CPEB1: variants seen among roughly 807,000 people sequenced by gnomAD.
The protein encoded by CPEB1 is cytoplasmic polyadenylation element-binding protein 1.
Under a neutral mutation model 65.8 loss-of-function variants are expected in CPEB1, and 7 were observed. That is an observed-to-expected ratio of 0.11 (90% CI 0.06 to 0.20). The LOEUF is 0.20. Ranked by LOEUF, CPEB1 falls within the 10% of genes least tolerant of loss-of-function variation. CPEB1 has a pLI of 1.00. For missense variants in CPEB1, 551 were observed against 712.2 expected, an observed-to-expected ratio of 0.77 and a Z score of 2.58; for synonymous variants, 262 against 260.0, an observed-to-expected ratio of 1.01 and a Z score of -0.08.
At chr15:82,611,675 A>G (rs1410378409) in intron 3 of CPEB1, among the ~76,000 whole-genome samples, 1 of 151,976 alleles carries the variant, frequency 6.6e-6, no homozygotes, top group East Asian at 1.9e-4. Flanking sequence ...TGAGGCAGGA[A>G]GATCACTTGA....
chr15:82,546,075 C>T (rs1187490548), intron 12 of CPEB1, among the ~76,000 whole-genome samples: 2 of 152,190 alleles, frequency 1.3e-5, no homozygotes, highest in Non-Finnish European at 2.9e-5. Context: ...CCACAGGGTA[C>T]CTCAGAACTC....
chr15:82,578,561 C>T (rs1342909786), intron 3 of CPEB1, among the ~76,000 whole-genome samples: 4 of 151,960 alleles, frequency 2.6e-5, no homozygotes, highest in East Asian at 3.9e-4. Flanking sequence ...TTCAGGAGCT[C>T]GAGACCAGAC....
intron 1 of CPEB1, chr15:82,638,053 T>A: frequency 2.3e-6 from 1 of 441,084 alleles, no homozygotes. Flanking sequence ...TTTTCTGGTC[T>A]GTTTCTGTAT....
intron 1 of CPEB1, among the ~76,000 whole-genome samples, chr15:82,630,688 T>C (rs1006558879): frequency 6.6e-5 from 10 of 152,098 alleles, no homozygotes; most frequent in Non-Finnish European, 1.0e-4. Flanking sequence ...TAAATGTACA[T>C]TGTCCTCCAA....
At chr15:82,579,650 C>T (rs552058169) in intron 3 of CPEB1, among the ~76,000 whole-genome samples, 65 of 151,770 alleles carry the variant, frequency 4.3e-4, no homozygotes, top group African/African-American at 1.4e-3. Context: ...CGGTGGCTCA[C>T]GCCTGTAATC....
chr15:82,599,778 A>G (rs2042950152), intron 3 of CPEB1, among the ~76,000 whole-genome samples: 1 of 152,136 alleles, frequency 6.6e-6, no homozygotes, highest in Non-Finnish European at 1.5e-5. Context: ...GAATAAAACC[A>G]GGGCCCAAAA....
At chr15:82,602,184 A>C (rs1051216171) in intron 3 of CPEB1, among the ~76,000 whole-genome samples, 1 of 152,240 alleles carries the variant, frequency 6.6e-6, no homozygotes, top group African/African-American at 2.4e-5. Flanking sequence ...TGGAATTAAG[A>C]TAAAAATTCA....
intron 1 of CPEB1, chr15:82,630,132 C>G (rs1322753582): frequency 1.0e-6 from 1 of 984,970 alleles, no homozygotes; most frequent in African/African-American, 1.7e-5. Context: ...GAGGAGGTCT[C>G]GCTGTGTTGC....
chr15:82,602,494 A>G (rs2043197707), intron 3 of CPEB1, among the ~76,000 whole-genome samples: 1 of 152,222 alleles, frequency 6.6e-6, no homozygotes, highest in African/African-American at 2.4e-5. Flanking sequence ...GGTTACAGTA[A>G]GGTATGATTG....
intron 1 of CPEB1, chr15:82,640,904 GA>G (rs79528521): frequency 2.0e-3 from 264 of 131,326 alleles, no homozygotes; most frequent in East Asian, 0.013. Context: ...ATCAGATAAG[GA>G]AAAAAAAAAA....
At chr15:82,614,331 A>G (rs75854332) in intron 3 of CPEB1, among the ~76,000 whole-genome samples, 2,687 of 152,316 alleles carry the variant, frequency 0.018, 30 homozygotes, top group Non-Finnish European at 0.025. Flanking sequence ...TGACCTGGGT[A>G]GTGGTTATGT....
chr15:82,617,785 G>A (rs1345902430), intron 3 of CPEB1, among the ~76,000 whole-genome samples: 1 of 128,100 alleles, frequency 7.8e-6, no homozygotes, highest in African/African-American at 3.0e-5. Flanking sequence ...CCAGGCTGGA[G>A]TGCAGTGGCG....
intron 1 of CPEB1, among the ~76,000 whole-genome samples, chr15:82,643,453 A>C (rs1200182081): frequency 2.0e-5 from 3 of 152,096 alleles, no homozygotes; most frequent in Non-Finnish European, 4.4e-5. Context: ...AATATGGTGA[A>C]ACCCCATCTT....
At chr15:82,578,877 G>A (rs1424998497) in intron 3 of CPEB1, among the ~76,000 whole-genome samples, 2 of 152,156 alleles carry the variant, frequency 1.3e-5, no homozygotes, top group African/African-American at 4.8e-5. Flanking sequence ...CGTCCTGACT[G>A]CAATGGCAAA....
intron 3 of CPEB1, among the ~76,000 whole-genome samples, chr15:82,577,725 G>A (rs1048735666): frequency 3.3e-5 from 5 of 152,046 alleles, no homozygotes; most frequent in Non-Finnish European, 7.4e-5. Context: ...GTCTTGCTAT[G>A]TTGCCCAAGC....
At chr15:82,552,404 T>TC (rs2036428441) in intron 9 of CPEB1, 76 bp downstream of exon 9, 7 of 1,432,444 alleles carry the variant, frequency 4.9e-6, no homozygotes, top group Non-Finnish European at 6.5e-6. Context: ...AGCCTGCCTA[T>TC]CCACCTACCA....
At chr15:82,574,825 G>A (rs910268412) in intron 3 of CPEB1, among the ~76,000 whole-genome samples, 1 of 149,214 alleles carries the variant, frequency 6.7e-6, no homozygotes, top group Non-Finnish European at 1.5e-5. Context: ...ATATACAGAT[G>A]TTCCTCAACT....
At chr15:82,632,767 G>A (rs1008689801) in intron 1 of CPEB1, among the ~76,000 whole-genome samples, 4 of 151,476 alleles carry the variant, frequency 2.6e-5, no homozygotes, top group Admixed American at 1.3e-4. Flanking sequence ...GGGCTCAAGC[G>A]CTGCTCCTGC....
At chr15:82,626,776 T>C (rs2045811330) in intron 3 of CPEB1, among the ~76,000 whole-genome samples, 1 of 152,220 alleles carries the variant, frequency 6.6e-6, no homozygotes, top group Non-Finnish European at 1.5e-5. Flanking sequence ...GAAGTCGTAG[T>C]ACTAATAAAA....
Sources: allele counts gnomAD v4.1 joint callset (sites outside exome capture counted in the v4.1 genomes callset), GRCh38; gene constraint gnomAD v4.1.1; transcripts MANE v1.5; gene names NCBI Gene and HGNC (gene_info 2026-07-23, HGNC 2026-07-21).